Variants in THADA observed in about 807,000 individuals in gnomAD.
THADA encodes the protein THADA armadillo repeat containing.
THADA carries 213 observed loss-of-function variants against 219.8 expected under a neutral mutation model. That is an observed-to-expected ratio of 0.97 (90% CI 0.87 to 1.09). THADA has a LOEUF of 1.09. THADA is among the 50% of genes least tolerant of loss of function. The pLI, the probability that THADA is intolerant of heterozygous loss-of-function variation, is 0.00. For synonymous variants in THADA, 1,018 were observed against 828.9 expected, an observed-to-expected ratio of 1.23 and a Z score of -3.92; for missense variants, 2,956 against 2,311.3, an observed-to-expected ratio of 1.28 and a Z score of -5.72.
intron 26 of THADA, among the ~76,000 whole-genome samples, chr2:43,469,293 G>A (rs1238105803): frequency 1.3e-5 from 2 of 152,184 alleles, no homozygotes; most frequent in African/African-American, 4.8e-5. Flanking sequence ...GGTGGGAGAA[G>A]TTAGCCAGCA....
intron 36 of THADA, among the ~76,000 whole-genome samples, chr2:43,235,571 C>T (rs1043165558): frequency 2.0e-5 from 3 of 152,170 alleles, no homozygotes; most frequent in African/African-American, 7.2e-5. Flanking sequence ...GGATTACACC[C>T]ATGAGCCACT....
intron 32 of THADA, among the ~76,000 whole-genome samples, chr2:43,292,516 CAA>C (rs2104369332): frequency 6.6e-6 from 1 of 152,248 alleles, no homozygotes; most frequent in African/African-American, 2.4e-5. Flanking sequence ...GCCATGTCAG[CAA>C]AGACTACCTC....
At chr2:43,532,933 A>G (rs570049029) in intron 21 of THADA, among the ~76,000 whole-genome samples, 17 of 152,352 alleles carry the variant, frequency 1.1e-4, no homozygotes, top group East Asian at 9.6e-4. Context: ...AAAAGAAACT[A>G]TCATCAGAGT....
At chr2:43,253,744 A>C (rs1271650203) in intron 36 of THADA, among the ~76,000 whole-genome samples, 2 of 152,140 alleles carry the variant, frequency 1.3e-5, no homozygotes, top group Non-Finnish European at 2.9e-5. Context: ...AATTATATTA[A>C]GTACCTACCA....
chr2:43,456,002 C>T (rs1407526161), intron 26 of THADA, among the ~76,000 whole-genome samples: 1 of 152,124 alleles, frequency 6.6e-6, no homozygotes, highest in Non-Finnish European at 1.5e-5. Context: ...ACGAACTGCT[C>T]GATTGCCAAA....
intron 30 of THADA, among the ~76,000 whole-genome samples, chr2:43,333,795 G>T (rs1267181912): frequency 1.3e-5 from 2 of 152,198 alleles, no homozygotes; most frequent in Non-Finnish European, 2.9e-5. Flanking sequence ...GTGGCAAAAG[G>T]CTGTGGCCTC....
intron 22 of THADA, among the ~76,000 whole-genome samples, chr2:43,520,965 G>A (rs1692359966): frequency 9.0e-6 from 1 of 110,588 alleles, no homozygotes; most frequent in Non-Finnish European, 1.8e-5. Context: ...AGAAGGAAGG[G>A]AGGAAGGGAG....
chr2:43,513,349 T>A (rs1157759855), intron 22 of THADA, among the ~76,000 whole-genome samples: 1 of 152,016 alleles, frequency 6.6e-6, no homozygotes, highest in Non-Finnish European at 1.5e-5. Flanking sequence ...ACCAGCTGAG[T>A]CCAAAAGCAA....
At chr2:43,404,584 T>C (rs901622527) in intron 28 of THADA, among the ~76,000 whole-genome samples, 7 of 152,134 alleles carry the variant, frequency 4.6e-5, no homozygotes, top group South Asian at 2.1e-4. Context: ...TCCAATTGCA[T>C]ATTTAGCTCT....
At chr2:43,559,464 C>T (rs1359596275) in intron 16 of THADA, among the ~76,000 whole-genome samples, 2 of 152,214 alleles carry the variant, frequency 1.3e-5, no homozygotes, top group African/African-American at 4.8e-5. Flanking sequence ...TAGACCATGG[C>T]TCAGCTGCAG....
At chr2:43,456,417 G>A (rs1683003089) in intron 26 of THADA, among the ~76,000 whole-genome samples, 1 of 152,192 alleles carries the variant, frequency 6.6e-6, no homozygotes, top group Non-Finnish European at 1.5e-5. Flanking sequence ...TTATTCTGTG[G>A]TGGGGTGGGA....
Position 43,242,047 on chromosome 2 carries a change from C to T in THADA, c.5297-9165G>A, listed in dbSNP as rs528380214. ...TCTTCCTCCTTTTCACTTAGCCTGC[C>T]GGCCTGTCCCTCAGGACGCAACGCA... On this transcript the variant is annotated intron_variant, in intron 36 of 37. Coordinates refer to ENST00000405975, the MANE Select transcript of THADA (RefSeq NM_022065.5). 1.2e-4 allele frequency among the ~76,000 whole-genome samples: 19 copies of T among 152,340 alleles called. No individual in the cohort carries two copies. The South Asian group carries it at 3.5e-3, about 28-fold the overall frequency.
intron 37 of THADA, among the ~76,000 whole-genome samples, chr2:43,231,753 A>C (rs1667449228): frequency 6.6e-6 from 1 of 152,202 alleles, no homozygotes; most frequent in Admixed American, 6.5e-5. Context: ...AGGAATCTCC[A>C]AACACAGGAC....
intron 28 of THADA, among the ~76,000 whole-genome samples, chr2:43,414,563 T>A (rs1247711251): frequency 2.0e-5 from 3 of 152,236 alleles, no homozygotes; most frequent in African/African-American, 4.8e-5. Flanking sequence ...CTTCTCTTCC[T>A]TGCCATTAAA....
At chr2:43,499,809 A>G (rs191830135) in intron 24 of THADA, among the ~76,000 whole-genome samples, 3 of 152,330 alleles carry the variant, frequency 2.0e-5, no homozygotes, top group African/African-American at 7.2e-5. Context: ...TTCAAAAAAA[A>G]ATGTACATCT....
Position 43,552,183 on chromosome 2 carries a change from G to A in THADA, c.2810+21C>T, listed in dbSNP as rs1273772296. On this transcript the variant is annotated intron_variant, in intron 18 of 37. Coordinates refer to ENST00000405975, the MANE Select transcript of THADA (RefSeq NM_022065.5). ...AAATGAATGGATTTCTGAGACAGGA[G>A]GCAGCTGTGGAAATCCTTACTTTAG... 1.9e-6 allele frequency: 3 copies of A among 1,597,904 alleles called. No individual in the cohort carries two copies. In the African/African-American group the frequency reaches 4.0e-5, roughly 21 times the overall value.
At chr2:43,515,169 T>G (rs1574035026) in intron 22 of THADA, among the ~76,000 whole-genome samples, 1 of 41,132 alleles carries the variant, frequency 2.4e-5, no homozygotes, top group Non-Finnish European at 4.2e-5. Context: ...ATATATAATA[T>G]ATTATATATT....
Position 43,344,190 on chromosome 2 carries a change from A to G in THADA, c.4275T>C (p.Asn1425=). 6.2e-7 allele frequency: 1 copy of G among 1,612,808 alleles called. No individual in the cohort carries two copies. Among genetic ancestry groups the G allele is most frequent in the Non-Finnish European group, 8.5e-7 (1 of 1,179,516 alleles). Residue 1425 remains asparagine, a synonymous_variant, in exon 30 of 38, where the codon AAT becomes AAC. Coordinates refer to ENST00000405975, the MANE Select transcript of THADA (RefSeq NM_022065.5). ...QAYSDSKHGT[N]SDFQHELTDI... ...CAGTCAGCTCGTGCTGGAAGTCTGA[A>G]TTCGTTCCGTGTTTGGAGTCTGAGT...
chr2:43,279,729 G>C (rs747137189), intron 36 of THADA, 36 bp downstream of exon 36: 2 of 1,537,098 alleles, frequency 1.3e-6, no homozygotes, highest in East Asian at 2.5e-5. Context: ...CTATCCTGCA[G>C]CGATAAGACA....
Sources: allele counts gnomAD v4.1 joint callset (sites outside exome capture counted in the v4.1 genomes callset), GRCh38; gene constraint gnomAD v4.1.1; transcripts MANE v1.5; gene names NCBI Gene and HGNC (gene_info 2026-07-23, HGNC 2026-07-21).